The following MED12L variants were observed in gnomAD, a reference collection of about 807,000 sequenced individuals.
MED12L encodes the protein mediator complex subunit 12L, also known as mediator of RNA polymerase II transcription subunit 12-like protein.
MED12L carries 60 observed loss-of-function variants against 281.3 expected under a neutral mutation model. The ratio of observed to expected loss-of-function variants is 0.21; its 90% CI spans 0.17 to 0.26. The LOEUF is 0.26. Ranked by LOEUF, MED12L falls within the 10% of genes least tolerant of loss-of-function variation. The pLI is 1.00. For missense variants in MED12L, 2,146 were observed against 2,680.9 expected (o/e 0.80, Z 4.41); for synonymous variants, 974 against 987.2 (o/e 0.99, Z 0.25).
chr3:151,095,915 T>C (rs960919217), intron 2 of MED12L, among the ~76,000 whole-genome samples: 1 of 152,130 alleles, frequency 6.6e-6, no homozygotes, highest in Non-Finnish European at 1.5e-5. Context: ...TTCCCTTGCA[T>C]GTTGAGATAA....
At chr3:151,186,792 A>C (rs993545221) in intron 12 of MED12L, among the ~76,000 whole-genome samples, 2 of 152,118 alleles carry the variant, frequency 1.3e-5, no homozygotes, top group African/African-American at 4.8e-5. Context: ...ACATTTATCT[A>C]GTTAATCTGC....
intron 16 of MED12L, among the ~76,000 whole-genome samples, chr3:151,343,677 C>T (rs1485624189): frequency 1.3e-5 from 2 of 152,106 alleles, no homozygotes; most frequent in African/African-American, 2.4e-5. Context: ...ACAGAGCTAA[C>T]TTTGGTTGGT....
chr3:151,425,726 T>C lies in MED12L; in HGVS notation c.6409-4573T>C, dbSNP rs1161382306. 3 of 456,680 alleles carry C rather than the reference T, an allele frequency of 6.6e-6. No individual in the cohort carries two copies. The Admixed American group carries it at 7.0e-5, about 11-fold the overall frequency. 28.3% of individuals were successfully genotyped at this position (456,680 alleles called of 1,614,324 possible). A position where few individuals can be genotyped will look rare whatever the true frequency, so the allele number is the denominator to read the frequency against. On this transcript the variant is annotated intron_variant, in intron 43 of 44. Transcript: ENST00000687756. The stretch of plus-strand genomic sequence containing the variant: ...TGGCATGGCTTCTGCCTCTGAGAAG[T>C]AAAAATCCAGAATCCTAGAGAGAGA...
chr3:151,087,059 G>T, intron 2 of MED12L, 34 bp downstream of exon 2: 1 of 1,545,144 alleles, frequency 6.5e-7, no homozygotes, highest in African/African-American at 1.4e-5. Flanking sequence ...GGCAACCGGG[G>T]CCGCGCTCTG....
intron 16 of MED12L, among the ~76,000 whole-genome samples, chr3:151,253,102 G>A (rs530324759): frequency 4.3e-4 from 66 of 152,308 alleles, no homozygotes; most frequent in African/African-American, 1.6e-3. Context: ...TAAGGAAAAT[G>A]TATTAACAGA....
At chr3:151,318,894 A>G (rs1352328952) in intron 16 of MED12L, among the ~76,000 whole-genome samples, 3 of 152,120 alleles carry the variant, frequency 2.0e-5, no homozygotes, top group East Asian at 1.9e-4. Flanking sequence ...CCTTCACTAC[A>G]GTAGGTGGCC....
chr3:151,106,790 T>C (rs1360865836), intron 2 of MED12L, among the ~76,000 whole-genome samples: 1 of 152,254 alleles, frequency 6.6e-6, no homozygotes, highest in Non-Finnish European at 1.5e-5. Context: ...GATAATACTT[T>C]TTGTCTTGAA....
chr3:151,169,398 G>A (rs548655534), intron 11 of MED12L, among the ~76,000 whole-genome samples: 3 of 152,252 alleles, frequency 2.0e-5, no homozygotes, highest in Admixed American at 2.0e-4. Flanking sequence ...TGGGATTACA[G>A]GCATGAGCCA....
intron 2 of MED12L, among the ~76,000 whole-genome samples, chr3:151,107,964 C>T (rs537841401): frequency 6.6e-5 from 10 of 152,200 alleles, no homozygotes; most frequent in Admixed American, 3.3e-4. Flanking sequence ...CAGTCCTGGG[C>T]GACTGTGTTT....
intron 39 of MED12L, among the ~76,000 whole-genome samples, chr3:151,405,270 T>A (rs1019277527): frequency 3.3e-5 from 5 of 152,206 alleles, no homozygotes; most frequent in African/African-American, 1.2e-4. Context: ...AGAGACCATG[T>A]GTAGGAATTT....
At chr3:151,379,717 A>G (rs1319573185) in intron 31 of MED12L, among the ~76,000 whole-genome samples, 1 of 152,368 alleles carries the variant, frequency 6.6e-6, no homozygotes, top group Admixed American at 6.5e-5. Flanking sequence ...CCCAGACTCT[A>G]AAACAAGAGT....
rs776284793 is a variant in MED12L, at chr3:151,192,590, C to T, written c.2009C>T (p.Thr670Ile). ...GCGCATATGGGCATTGACTCAGGAACCACTAACATTTTTGATGAAGTAGAC... is the reference window on the plus strand; with the variant it reads ...GCGCATATGGGCATTGACTCAGGAATCACTAACATTTTTGATGAAGTAGAC... Reference protein sequence around the residue: ...IMAHMGIDSGTTNIFDEVDKS... With the variant: ...IMAHMGIDSGITNIFDEVDKS... The change falls in exon 15 of 45, where the codon ACC becomes ATC. Residue 670 changes from threonine to isoleucine, a missense_variant. By Grantham distance (89) the Thr-to-Ile change is moderately conservative. Around this residue, in one of 9 missense-constraint regions of MED12L, gnomAD observed 722 missense variants for 861.2 expected, o/e 0.84. Transcript: ENST00000687756. The T allele has an allele frequency of 2.6e-6, 4 of 1,536,218 alleles. No individual in the cohort carries two copies. In the South Asian group the frequency reaches 4.8e-5, roughly 18 times the overall value.
intron 5 of MED12L, among the ~76,000 whole-genome samples, chr3:151,154,609 G>A (rs907372817): frequency 5.9e-5 from 9 of 152,090 alleles, no homozygotes; most frequent in Non-Finnish European, 1.3e-4. Flanking sequence ...TATTCAGTGG[G>A]GATATTGAGA....
At chr3:151,118,880 T>A (rs559315320) in intron 3 of MED12L, among the ~76,000 whole-genome samples, 66 of 152,216 alleles carry the variant, frequency 4.3e-4, no homozygotes, top group Non-Finnish European at 8.4e-4. Flanking sequence ...AGAGACAGGG[T>A]TTCACCATGT....
rs1450593245 is a variant in MED12L at position 151,163,876 on chromosome 3, A to T, written c.1108-17A>T. 1 of 1,606,934 alleles carries T rather than the reference A, an allele frequency of 6.2e-7. No individual in the cohort carries two copies. The highest frequency in any genetic ancestry group is 8.5e-7 in the Non-Finnish European group (1 of 1,175,064). On this transcript the variant is annotated splice_polypyrimidine_tract_variant and intron_variant, in intron 8 of 44. Coordinates refer to ENST00000687756, the MANE Select transcript of MED12L (RefSeq NM_001393769.1). ...CTCCTTCCTCTGAACATCCAACTTT[A>T]TCTGTTTCATTTCCAGACTGTCACT...
chr3:151,110,969 T>G (rs973655283), intron 2 of MED12L, among the ~76,000 whole-genome samples: 2 of 152,152 alleles, frequency 1.3e-5, no homozygotes, highest in African/African-American at 4.8e-5. Context: ...CCTCAACTCT[T>G]CATGTTAGCA....
intron 16 of MED12L, chr3:151,294,050 C>T: frequency 2.8e-6 from 2 of 707,452 alleles, no homozygotes; most frequent in Non-Finnish European, 2.5e-6. Flanking sequence ...AAATTATGAC[C>T]CCATTTCATA....
intron 16 of MED12L, among the ~76,000 whole-genome samples, chr3:151,253,926 A>G (rs916028210): frequency 1.3e-5 from 2 of 151,348 alleles, no homozygotes; most frequent in Admixed American, 1.3e-4. Context: ...GACCTCCACT[A>G]CTTTTTTTTT....
At chr3:151,248,024 A>G (rs1054411231) in intron 16 of MED12L, among the ~76,000 whole-genome samples, 4 of 118,376 alleles carry the variant, frequency 3.4e-5, no homozygotes, top group Admixed American at 1.0e-4. Context: ...AAGCATGTAT[A>G]TTAAGTTTCT....
Sources: gnomAD v4.1 joint callset for allele counts (sites outside exome capture counted in the v4.1 genomes callset) on GRCh38, gnomAD v4.1.1 for gene constraint, gnomAD v4.1.1 regional missense constraint, MANE v1.5 for transcripts, NCBI Gene and HGNC (gene_info 2026-07-23, HGNC 2026-07-21) for gene names.